Variants in FAM151B observed in about 807,000 individuals in gnomAD.
FAM151B encodes the protein protein FAM151B.
In FAM151B, 24 loss-of-function variants were observed where a neutral mutation model predicts 31.2. The observed-to-expected ratio is 0.77, with a 90% CI of 0.56 to 1.08. The LOEUF is 1.08. FAM151B is among the 50% of genes least tolerant of loss of function. The pLI is 0.00. For synonymous variants in FAM151B, 105 were observed against 111.4 expected, an observed-to-expected ratio of 0.94 and a Z score of 0.36; for missense variants, 293 against 328.6, an observed-to-expected ratio of 0.89 and a Z score of 0.84.
chr5:80,507,509 C>T (rs138134519), intron 2 of FAM151B, among the ~76,000 whole-genome samples: 22 of 151,998 alleles, frequency 1.4e-4, no homozygotes, highest in African/African-American at 4.1e-4. Context: ...GGAGAAACCC[C>T]GTCTCTACTA....
chr5:80,519,605 T>G, intron 3 of FAM151B, 88 bp from the exon 4 acceptor site: 1 of 1,050,400 alleles, frequency 9.5e-7, no homozygotes, highest in Non-Finnish European at 1.4e-6. Flanking sequence ...GATTATGAAT[T>G]TGAGAACATT....
At chr5:80,489,637 T>G (rs954915987) in intron 1 of FAM151B, among the ~76,000 whole-genome samples, 2 of 152,130 alleles carry the variant, frequency 1.3e-5, no homozygotes, top group Admixed American at 1.3e-4. Context: ...AAAAAACAAA[T>G]TTTTGGGCCG....
At chr5:80,519,284 C>T (rs1434632283) in intron 3 of FAM151B, among the ~76,000 whole-genome samples, 1 of 152,120 alleles carries the variant, frequency 6.6e-6, no homozygotes, top group Non-Finnish European at 1.5e-5. Context: ...CTTGGATCCA[C>T]TTGGGTATTT....
intron 2 of FAM151B, among the ~76,000 whole-genome samples, chr5:80,511,435 C>CA (rs57587683): frequency 0.042 from 2,189 of 51,892 alleles, 30 homozygotes; most frequent in Non-Finnish European, 0.054. Flanking sequence ...GACTCTGTCT[C>CA]AAAAAAAAAA....
At chr5:80,514,102 C>A (rs946413872) in intron 3 of FAM151B, among the ~76,000 whole-genome samples, 2 of 152,038 alleles carry the variant, frequency 1.3e-5, no homozygotes, top group Non-Finnish European at 2.9e-5. Flanking sequence ...TTAATGCATA[C>A]CCTATTTGAT....
rs571958181 is a variant in FAM151B, at chr5:80,505,684, G to A, written c.151+3767G>A. ...GCTGGGATTACAGGCGTGAGCCACC[G>A]CACCCAGCCACATCCATTGAGTTCT... On this transcript the variant is annotated intron_variant, in intron 2 of 5. Transcript: ENST00000282226. Among the ~76,000 whole-genome samples the A allele has an allele frequency of 1.3e-4, 19 of 145,834 alleles. 1 individual carries two copies. The highest frequency in any genetic ancestry group is 4.0e-3 in the Middle Eastern group (1 of 248).
At chr5:80,511,398 C>A (rs1580428086) in intron 2 of FAM151B, among the ~76,000 whole-genome samples, 1 of 122,134 alleles carries the variant, frequency 8.2e-6, no homozygotes, top group Non-Finnish European at 1.6e-5. Flanking sequence ...CCCTGGAGCC[C>A]AAGAGTTTCA....
chr5:80,518,046 T>C (rs1580436655), intron 3 of FAM151B, among the ~76,000 whole-genome samples: 3 of 140,742 alleles, frequency 2.1e-5, no homozygotes, highest in African/African-American at 8.0e-5. Context: ...CACTCCAGCC[T>C]GGGTGACAGG....
At chr5:80,504,760 T>C (rs532737996) in intron 2 of FAM151B, among the ~76,000 whole-genome samples, 8 of 152,272 alleles carry the variant, frequency 5.3e-5, no homozygotes, top group African/African-American at 1.7e-4. Context: ...TCTCCTGATC[T>C]GCCCTCCTTG....
chr5:80,494,458 T>TC (rs56341017), intron 1 of FAM151B, among the ~76,000 whole-genome samples: 7 of 43,042 alleles, frequency 1.6e-4, no homozygotes, highest in East Asian at 5.6e-4. Flanking sequence ...TTTCTTTCTT[T>TC]TCTTTCTTTC....
chr5:80,516,106 C>T (rs536357324), intron 3 of FAM151B, among the ~76,000 whole-genome samples: 2 of 152,318 alleles, frequency 1.3e-5, no homozygotes, highest in East Asian at 3.9e-4. Flanking sequence ...GGGCGAATCA[C>T]CTGAGGTCAG....
In FAM151B at chr5:80,542,023, GAA is replaced by G; in HGVS notation, c.*192_*193del. On this transcript the variant is annotated 3_prime_UTR_variant, in exon 6 of 6. Coordinates refer to ENST00000282226, the MANE Select transcript of FAM151B (RefSeq NM_205548.3). ...TGCACTTACATAAAAGATTTGGAAA[GAA>G]GAGATTTATTTACACACGTGGCCTA... 1 of 578,528 alleles carries G rather than the reference GAA, an allele frequency of 1.7e-6. No homozygotes were observed. Among genetic ancestry groups the G allele is most frequent in the Non-Finnish European group, 2.9e-6 (1 of 342,690 alleles). 35.8% of individuals were successfully genotyped at this position (578,528 alleles called of 1,614,324 possible).
intron 1 of FAM151B, among the ~76,000 whole-genome samples, chr5:80,499,222 G>A (rs905345206): frequency 2.6e-5 from 4 of 152,122 alleles, no homozygotes; most frequent in African/African-American, 9.7e-5. Flanking sequence ...TTATGATATA[G>A]TATGGAATAG....
intron 5 of FAM151B, among the ~76,000 whole-genome samples, chr5:80,539,112 G>A (rs991279016): frequency 6.8e-6 from 1 of 146,672 alleles, no homozygotes; most frequent in Admixed American, 7.0e-5. Flanking sequence ...GCCTCCTTTT[G>A]ATGGGCATTT....
chr5:80,527,408 G>A (rs978761025), intron 5 of FAM151B, among the ~76,000 whole-genome samples: 3 of 148,420 alleles, frequency 2.0e-5, no homozygotes, highest in Admixed American at 1.4e-4. Flanking sequence ...GGGTGGCAGA[G>A]CAAGACTCTG....
chr5:80,500,974 C>T, intron 1 of FAM151B: 1 of 674,730 alleles, frequency 1.5e-6, no homozygotes, highest in Non-Finnish European at 2.7e-6. Flanking sequence ...ATTATCTTCG[C>T]CATGAGGCGG....
chr5:80,524,797 G>A (rs545245556), intron 5 of FAM151B, among the ~76,000 whole-genome samples: 1 of 152,240 alleles, frequency 6.6e-6, no homozygotes. Flanking sequence ...TGTCTTTATG[G>A]TGGACCCAGG....
chr5:80,513,358 T>A (rs1055258200), intron 2 of FAM151B, among the ~76,000 whole-genome samples: 3 of 152,230 alleles, frequency 2.0e-5, no homozygotes, highest in African/African-American at 7.2e-5. Flanking sequence ...AATTTGTATG[T>A]CAACAGCTTA....
At chr5:80,523,237 A>T (rs1300287617) in intron 5 of FAM151B, among the ~76,000 whole-genome samples, 1 of 152,264 alleles carries the variant, frequency 6.6e-6, no homozygotes, top group African/African-American at 2.4e-5. Context: ...TTGAATACAT[A>T]AAAATGGAAA....
Sources: gnomAD v4.1 joint callset for allele counts (sites outside exome capture counted in the v4.1 genomes callset) on GRCh38, gnomAD v4.1.1 for gene constraint, MANE v1.5 for transcripts, NCBI Gene and HGNC (gene_info 2026-07-23, HGNC 2026-07-21) for gene names.